NAPA: variants seen among roughly 807,000 people sequenced by gnomAD.
The protein encoded by NAPA is NSF attachment protein alpha.
In NAPA, 18 loss-of-function variants were observed where a neutral mutation model predicts 48.0. The observed-to-expected ratio is 0.38, with a 90% CI of 0.26 to 0.56. The LOEUF is 0.56. Ranked by LOEUF, NAPA falls within the 20% of genes least tolerant of loss-of-function variation. The probability of loss-of-function intolerance (pLI) is 0.77; values close to 1 mark genes in which losing one functional copy is unlikely to be tolerated. For missense variants in NAPA, 315 were observed against 385.0 expected (o/e 0.82, Z 1.52); for synonymous variants, 152 against 149.9 (o/e 1.01, Z -0.10).
intron 1 of NAPA, among the ~76,000 whole-genome samples, chr19:47,507,427 C>T (rs1968713570): frequency 6.6e-6 from 1 of 152,186 alleles, no homozygotes; most frequent in Non-Finnish European, 1.5e-5. Context: ...CACTTCCTGG[C>T]TGCCAGAAAT....
At position 47,488,489 on chromosome 19, in the gene NAPA, A is replaced by AC. The variant is rs199600427; in HGVS notation, c.787-101dup. On this transcript the variant is annotated intron_variant, in intron 10 of 10. Coordinates refer to ENST00000263354, the MANE Select transcript of NAPA (RefSeq NM_003827.4). ...AAGGTTTTCAAGATCTGTCTCTGTCACCCCTGGTCTCTGAGGAGGAGTAGA... is the reference window on the plus strand; with the variant it reads ...AAGGTTTTCAAGATCTGTCTCTGTCACCCCCTGGTCTCTGAGGAGGAGTAGA... 1.1e-3 allele frequency: 959 copies of AC among 878,260 alleles called. 7 individuals carry two copies. In the African/African-American group the frequency reaches 0.014, roughly 13 times the overall value. 54.4% of individuals were successfully genotyped at this position (878,260 alleles called of 1,614,324 possible). A position where few individuals can be genotyped will look rare whatever the true frequency, so the allele number is the denominator to read the frequency against.
chr19:47,494,103 A>G (rs1021982499), intron 4 of NAPA, among the ~76,000 whole-genome samples: 1 of 152,098 alleles, frequency 6.6e-6, no homozygotes, highest in African/African-American at 2.4e-5. Context: ...GGGCTGGTCC[A>G]ACGCCACCCC....
At position 47,492,087 on chromosome 19, in the gene NAPA, G is replaced by T. The variant is rs767743237; in HGVS notation, c.594C>A (p.Leu198=). Residue 198 remains leucine, a synonymous_variant, in exon 8 of 11, where the codon CTC becomes CTA. Transcript: ENST00000263354. ...AGAAGTAGTCTTTGGCGCTGTACTT[G>T]AGGAGGGGGCTGTCCATGGCATTGG... ...VGTNAMDSPL[L]KYSAKDYFFK... 1 of 1,614,156 alleles carries T rather than the reference G, an allele frequency of 6.2e-7. No homozygotes were observed. The highest frequency in any genetic ancestry group is 1.7e-5 in the Admixed American group (1 of 60,026).
chr19:47,504,203 G>A (rs972528257), intron 1 of NAPA, among the ~76,000 whole-genome samples: 4 of 152,128 alleles, frequency 2.6e-5, no homozygotes, highest in African/African-American at 9.6e-5. Context: ...AGACCAGCCT[G>A]GGCCACACGG....
chr19:47,495,454 G>T, intron 4 of NAPA, 96 bp downstream of exon 4: 1 of 1,372,722 alleles, frequency 7.3e-7, no homozygotes, highest in Non-Finnish European at 1.0e-6. Flanking sequence ...TTTGGCCGCA[G>T]AATAAGAACA....
chr19:47,505,033 C>T (rs979361031), intron 1 of NAPA, among the ~76,000 whole-genome samples: 2 of 152,136 alleles, frequency 1.3e-5, no homozygotes, highest in Admixed American at 6.5e-5. Context: ...CTTGGGGGAC[C>T]TCATTAGTAC....
chr19:47,502,883 C>T (rs370073994), intron 2 of NAPA, among the ~76,000 whole-genome samples: 1 of 152,224 alleles, frequency 6.6e-6, no homozygotes, highest in Non-Finnish European at 1.5e-5. Flanking sequence ...AATCTTGGTT[C>T]TGTCACTTAC....
At chr19:47,492,205 G>T (rs1364374707) in intron 7 of NAPA, 86 bp from the exon 8 acceptor site, 6 of 1,214,198 alleles carry the variant, frequency 4.9e-6, no homozygotes, top group South Asian at 1.3e-5. Context: ...GGGGCCAGCT[G>T]GGAGCTGGTT....
At chr19:47,502,858 G>C (rs969542180) in intron 2 of NAPA, among the ~76,000 whole-genome samples, 2 of 152,188 alleles carry the variant, frequency 1.3e-5, no homozygotes, top group Non-Finnish European at 2.9e-5. Context: ...TCTGCAGTCA[G>C]AGCCTTGGTT....
chr19:47,511,736 C>T (rs920298277), intron 1 of NAPA, among the ~76,000 whole-genome samples: 2 of 152,214 alleles, frequency 1.3e-5, no homozygotes, highest in Non-Finnish European at 2.9e-5. Flanking sequence ...AGTTTCTCTA[C>T]CTCCACGGGG....
chr19:47,511,188 G>A (rs534899732), intron 1 of NAPA, among the ~76,000 whole-genome samples: 1 of 152,362 alleles, frequency 6.6e-6, no homozygotes, highest in East Asian at 1.9e-4. Flanking sequence ...CCCTTCTCCA[G>A]TCCCGGCAGC....
intron 1 of NAPA, among the ~76,000 whole-genome samples, chr19:47,507,474 A>G (rs1328269140): frequency 6.6e-6 from 1 of 152,098 alleles, no homozygotes; most frequent in Admixed American, 6.5e-5. Context: ...GCAGCTCCCG[A>G]AGGACCTCAC....
intron 7 of NAPA, 73 bp from the exon 8 acceptor site, chr19:47,492,192 T>TG (rs1368922491): frequency 1.5e-6 from 2 of 1,348,058 alleles, no homozygotes; most frequent in African/African-American, 1.4e-5. Flanking sequence ...TGCCAGGCAC[T>TG]GGGGGGCCAG....
rs1019110763 is a variant in NAPA, at chr19:47,515,028, A to C, written c.-88T>G. On this transcript the variant is annotated 5_prime_UTR_variant, in exon 1 of 11. Coordinates refer to ENST00000263354, the MANE Select transcript of NAPA (RefSeq NM_003827.4). ...CGGGCCGCGGAACACAGATCGGTAA[A>C]ACTCGCCCGGCTGCGTTGACGTCGC... The C allele has an allele frequency of 1.5e-6, 2 of 1,353,558 alleles. No individual in the cohort carries two copies. The highest frequency in any genetic ancestry group is 2.0e-6 in the Non-Finnish European group (2 of 981,556). The allele number at this position is 1,353,558 out of a possible 1,614,324, so 83.8% of individuals were successfully genotyped here.
intron 1 of NAPA, among the ~76,000 whole-genome samples, chr19:47,510,879 A>AG (rs905715113): frequency 2.0e-5 from 3 of 152,160 alleles, no homozygotes; most frequent in African/African-American, 7.2e-5. Context: ...CCCATCACCA[A>AG]GGGGAGGAAC....
Position 47,500,033 on chromosome 19 carries a change from C to T in NAPA, c.295+600G>A, listed in dbSNP as rs10418003. Among the ~76,000 whole-genome samples, 1,196 of 152,314 alleles carry T rather than the reference C, an allele frequency of 7.9e-3. 12 individuals carry two copies. Among genetic ancestry groups the T allele is most frequent in the African/African-American group, 0.027 (1,114 of 41,562 alleles). ...CAAACACTGGGCTGGACCTCCTCTT[C>T]GGGAGGCACCCAGGGGGACAAAACT... On this transcript the variant is annotated intron_variant, in intron 3 of 10. Coordinates refer to ENST00000263354, the MANE Select transcript of NAPA (RefSeq NM_003827.4).
At chr19:47,513,728 C>T (rs1431494652) in intron 1 of NAPA, among the ~76,000 whole-genome samples, 2 of 151,808 alleles carry the variant, frequency 1.3e-5, no homozygotes, top group Non-Finnish European at 2.9e-5. Context: ...TCTCTCAGTC[C>T]CCCTGTCTCT....
At position 47,492,007 on chromosome 19, in the gene NAPA, TG is replaced by T; in HGVS notation, c.666+7del. On this transcript the variant is annotated splice_region_variant and intron_variant, in intron 8 of 10. Coordinates refer to ENST00000263354, the MANE Select transcript of NAPA (RefSeq NM_003827.4). ...GTGCGGTGGTCCTGCGGGCGTGGGG[TG>T]TGCTACCTTGGCGTTGAGCATGTCG... 6.2e-7 allele frequency: 1 copy of T among 1,612,088 alleles called. No individual in the cohort carries two copies. The highest frequency in any genetic ancestry group is 8.5e-7 in the Non-Finnish European group (1 of 1,178,696).
chr19:47,492,866 G>T, intron 7 of NAPA, 95 bp downstream of exon 7: 1 of 1,160,194 alleles, frequency 8.6e-7, no homozygotes, highest in Non-Finnish European at 1.3e-6. Flanking sequence ...TGAGCCGGGG[G>T]AGGGGTGGTT....
Sources: allele counts gnomAD v4.1 joint callset (sites outside exome capture counted in the v4.1 genomes callset), GRCh38; gene constraint gnomAD v4.1.1; transcripts MANE v1.5; gene names NCBI Gene and HGNC (gene_info 2026-07-23, HGNC 2026-07-21).